The following IL1RAPL1 variants were observed in gnomAD, a reference collection of about 807,000 sequenced individuals.
IL1RAPL1 encodes the protein interleukin-1 receptor accessory protein-like 1.
IL1RAPL1 carries 3 observed loss-of-function variants against 48.4 expected under a neutral mutation model. The observed-to-expected ratio is 0.06, with a 90% confidence interval of 0.03 to 0.16. The LOEUF is 0.16. Ranked by LOEUF, IL1RAPL1 falls within the 10% of genes least tolerant of loss-of-function variation. IL1RAPL1 has a pLI of 1.00. For synonymous variants in IL1RAPL1, 185 were observed against 187.7 expected, an observed-to-expected ratio of 0.99 and a Z score of 0.12; for missense variants, 349 against 530.6, an observed-to-expected ratio of 0.66 and a Z score of 3.36.
intron 6 of IL1RAPL1, among the ~76,000 whole-genome samples, chrX:29,738,048 T>C (rs762204580): frequency 8.9e-6 from 1 of 112,333 alleles, no homozygotes; most frequent in East Asian, 2.8e-4. Flanking sequence ...GTGAATATTA[T>C]CCATTTTCTG....
chrX:29,275,337 G>C (rs1340710885), intron 2 of IL1RAPL1, among the ~76,000 whole-genome samples: 1 of 111,597 alleles, frequency 9.0e-6, no homozygotes, highest in Non-Finnish European at 1.9e-5. Context: ...CGGGGCTACA[G>C]AATTAAGTTC....
Position 28,765,101 on chromosome X carries a change from A to C in IL1RAPL1, c.-24-24219A>C, listed in dbSNP as rs749322553. Among the ~76,000 whole-genome samples, 15 of 104,469 alleles carry C rather than the reference A, an allele frequency of 1.4e-4. No homozygotes were observed. The South Asian group carries it at 6.2e-3, about 43-fold the overall frequency. 90.7% of individuals were successfully genotyped at this position (104,469 alleles called of 115,157 possible). A position where few individuals can be genotyped will look rare whatever the true frequency, so the allele number is the denominator to read the frequency against. On this transcript the variant is annotated intron_variant, in intron 1 of 10. Coordinates refer to ENST00000378993, the MANE Select transcript of IL1RAPL1 (RefSeq NM_014271.4). ...TCTCACTCATAGGTGGGAATTGAAC[A>C]ATGACAACACTTGGACACAGGAAGG...
At chrX:29,715,031 A>T (rs1035048243) in intron 6 of IL1RAPL1, among the ~76,000 whole-genome samples, 31 of 111,726 alleles carry the variant, frequency 2.8e-4, no homozygotes, top group Non-Finnish European at 3.6e-4. Flanking sequence ...TTCCTCATAT[A>T]CCTCGGGGCA....
intron 6 of IL1RAPL1, among the ~76,000 whole-genome samples, chrX:29,805,139 A>G (rs894963767): frequency 5.4e-5 from 6 of 111,742 alleles, no homozygotes; most frequent in Middle Eastern, 4.6e-3. Flanking sequence ...CACTATTTCT[A>G]CTTTTCATAC....
At chrX:28,625,401 T>C (rs1215876857) in intron 1 of IL1RAPL1, among the ~76,000 whole-genome samples, 1 of 112,126 alleles carries the variant, frequency 8.9e-6, no homozygotes, top group Non-Finnish European at 1.9e-5. Flanking sequence ...TGGGCCCTTG[T>C]TCCTTCGAAT....
intron 6 of IL1RAPL1, among the ~76,000 whole-genome samples, chrX:29,916,883 C>A (rs1932803738): frequency 9.0e-6 from 1 of 111,625 alleles, no homozygotes; most frequent in Non-Finnish European, 1.9e-5. Flanking sequence ...TTTATTGTCA[C>A]GATTTTTGTT....
At chrX:28,809,166 A>T (rs572874131) in intron 2 of IL1RAPL1, among the ~76,000 whole-genome samples, 2 of 109,873 alleles carry the variant, frequency 1.8e-5, no homozygotes, top group Non-Finnish European at 3.8e-5. Flanking sequence ...CAAAAAGTAG[A>T]TCTAGTAATT....
intron 5 of IL1RAPL1, among the ~76,000 whole-genome samples, chrX:29,506,438 T>TCCTCCTCCTCCTCCTCCTCCTCCTC (rs1556025757): frequency 1.1e-5 from 1 of 90,640 alleles, no homozygotes; most frequent in Admixed American, 1.2e-4. Flanking sequence ...TCCTTCTCCT[T>TCCTCCTCCTCCTCCTCCTCCTCCTC]CTCCTCCTCC....
At chrX:28,758,716 C>CT (rs934797297) in intron 1 of IL1RAPL1, among the ~76,000 whole-genome samples, 4 of 111,540 alleles carry the variant, frequency 3.6e-5, no homozygotes, top group Admixed American at 9.5e-5. Flanking sequence ...AAAACCTATT[C>CT]TTTTTTTCTG....
At chrX:29,445,467 G>A (rs1934601712) in intron 5 of IL1RAPL1, among the ~76,000 whole-genome samples, 1 of 112,087 alleles carries the variant, frequency 8.9e-6, no homozygotes, top group Non-Finnish European at 1.9e-5. Flanking sequence ...TTTCTCTTTG[G>A]GAACCCCACT....
At chrX:29,113,368 C>T (rs1440676593) in intron 2 of IL1RAPL1, among the ~76,000 whole-genome samples, 1 of 111,589 alleles carries the variant, frequency 9.0e-6, no homozygotes, top group Non-Finnish European at 1.9e-5. Flanking sequence ...GCTAGTCCCT[C>T]CTCTTTATTG....
chrX:29,121,294 C>T (rs1741076778), intron 2 of IL1RAPL1, among the ~76,000 whole-genome samples: 1 of 111,974 alleles, frequency 8.9e-6, no homozygotes, highest in Non-Finnish European at 1.9e-5. Context: ...TGATTTATGA[C>T]AAGGTTACAT....
intron 2 of IL1RAPL1, among the ~76,000 whole-genome samples, chrX:28,960,573 T>C (rs1216125246): frequency 8.9e-6 from 1 of 111,963 alleles, no homozygotes; most frequent in East Asian, 2.8e-4. Flanking sequence ...TAATCTATAT[T>C]GTAAGTGCAA....
rs1358267337 is a variant in IL1RAPL1, at chrX:29,578,720, T to G, written c.704-89710T>G. Among the ~76,000 whole-genome samples the G allele has an allele frequency of 2.7e-5, 3 of 112,165 alleles. No individual in the cohort carries two copies. The East Asian group carries it at 8.4e-4, about 31-fold the overall frequency. On this transcript the variant is annotated intron_variant, in intron 5 of 10. Coordinates refer to ENST00000378993, the MANE Select transcript of IL1RAPL1 (RefSeq NM_014271.4). ...CTTTATTTCCTGCCATTTCTTGTTCTTTTATAATCTTGTACCTCTAGTTTC... is the reference window on the plus strand; with the variant it reads ...CTTTATTTCCTGCCATTTCTTGTTCGTTTATAATCTTGTACCTCTAGTTTC...
At chrX:29,241,050 C>G (rs1260953957) in intron 2 of IL1RAPL1, among the ~76,000 whole-genome samples, 4 of 112,174 alleles carry the variant, frequency 3.6e-5, no homozygotes, top group African/African-American at 9.7e-5. Context: ...CTCGATCGCT[C>G]TCATCCAGAA....
intron 9 of IL1RAPL1, among the ~76,000 whole-genome samples, chrX:29,945,948 A>G (rs772427980): frequency 6.3e-5 from 7 of 110,429 alleles, no homozygotes. Context: ...AGCATTTCCA[A>G]TTCCACAACA....
rs188791730 is a variant in IL1RAPL1 at position 29,938,385 on chromosome X, G to A, written c.1058-3266G>A. Among the ~76,000 whole-genome samples the A allele has an allele frequency of 3.3e-3, 360 of 110,510 alleles. 1 individual carries two copies. The highest frequency in any genetic ancestry group is 0.011 in the African/African-American group (337 of 30,384). ...CCTCGACTATCTATGGGCACTTAAG[G>A]CATGCCACATGCCCAGCCCCTGTGT... On this transcript the variant is annotated intron_variant, in intron 8 of 10. Transcript: ENST00000378993.
intron 8 of IL1RAPL1, among the ~76,000 whole-genome samples, chrX:29,935,654 G>C (rs1017665564): frequency 1.8e-5 from 2 of 111,673 alleles, no homozygotes; most frequent in Middle Eastern, 4.7e-3. Flanking sequence ...GCTGTGAAGA[G>C]AATGTTACAC....
intron 2 of IL1RAPL1, among the ~76,000 whole-genome samples, chrX:29,270,456 G>A (rs1484856978): frequency 8.9e-6 from 1 of 111,997 alleles, no homozygotes; most frequent in East Asian, 2.8e-4. Context: ...TTTGTTTACA[G>A]TAGAATGTAT....
Sources: allele counts gnomAD v4.1 joint callset (sites outside exome capture counted in the v4.1 genomes callset), GRCh38; gene constraint gnomAD v4.1.1; transcripts MANE v1.5; gene names NCBI Gene and HGNC (gene_info 2026-07-23, HGNC 2026-07-21).